KIAA1217: variants seen among roughly 807,000 people sequenced by gnomAD.
KIAA1217 encodes the protein sickle tail protein homolog.
A neutral mutation model predicts 163.9 loss-of-function variants in KIAA1217; 88 were observed. The observed-to-expected ratio is 0.54, with a 90% CI of 0.45 to 0.64. The LOEUF (loss-of-function observed/expected upper bound fraction) is 0.64. Ranked by LOEUF, KIAA1217 falls within the 30% of genes least tolerant of loss-of-function variation. KIAA1217 has a pLI of 0.00. For synonymous variants in KIAA1217, 903 were observed against 923.1 expected (o/e 0.98, Z 0.39); for missense variants, 2,372 against 2,475.0 (o/e 0.96, Z 0.88).
chr10:24,172,422 C>A (rs1212524692), intron 2 of KIAA1217, among the ~76,000 whole-genome samples: 2 of 152,134 alleles, frequency 1.3e-5, no homozygotes, highest in African/African-American at 2.4e-5. Flanking sequence ...TTTGTGTAGT[C>A]CCTAAGAGCA....
intron 2 of KIAA1217, among the ~76,000 whole-genome samples, chr10:24,177,361 G>GTATC (rs1554894821): frequency 7.7e-6 from 1 of 129,230 alleles, no homozygotes; most frequent in Non-Finnish European, 1.6e-5. Context: ...TATCATATGT[G>GTATC]TATATATATA....
intron 2 of KIAA1217, among the ~76,000 whole-genome samples, chr10:24,187,709 G>T (rs1215830412): frequency 6.6e-6 from 1 of 151,868 alleles, no homozygotes; most frequent in Non-Finnish European, 1.5e-5. Flanking sequence ...TGACCAACAT[G>T]GAGACACCCC....
intron 5 of KIAA1217, among the ~76,000 whole-genome samples, chr10:24,451,849 T>TTG (rs1170648005): frequency 6.6e-6 from 1 of 152,206 alleles, no homozygotes; most frequent in East Asian, 1.9e-4. Context: ...GTTGCATCCC[T>TTG]TGTACCTGCA....
chr10:24,394,384 G>T (rs1399408600), intron 3 of KIAA1217, among the ~76,000 whole-genome samples: 2 of 152,076 alleles, frequency 1.3e-5, no homozygotes, highest in East Asian at 1.9e-4. Flanking sequence ...AGCTAAACAT[G>T]ATAAAAATAA....
At chr10:24,315,693 C>T (rs943129980) in intron 2 of KIAA1217, among the ~76,000 whole-genome samples, 8 of 151,742 alleles carry the variant, frequency 5.3e-5, no homozygotes, top group Admixed American at 1.3e-4. Flanking sequence ...TCAAGGCTGC[C>T]GCGAGCTGTG....
Position 24,447,001 on chromosome 10 carries a change from G to T in KIAA1217, c.846+8522G>T, listed in dbSNP as rs116093041. 1.9e-3 allele frequency among the ~76,000 whole-genome samples: 292 copies of T among 152,082 alleles called. 2 individuals carry two copies. Among genetic ancestry groups the T allele is most frequent in the African/African-American group, 6.5e-3 (270 of 41,488 alleles). ...ATGAGTCATCGCCACATGTCCATGG[G>T]CCTCTCATTTCTGAAGACCTAACCC... On this transcript the variant is annotated intron_variant, in intron 5 of 20. Coordinates refer to ENST00000376454, the MANE Select transcript of KIAA1217 (RefSeq NM_019590.5).
intron 1 of KIAA1217, among the ~76,000 whole-genome samples, chr10:23,996,347 C>T (rs897217608): frequency 3.3e-5 from 5 of 152,088 alleles, no homozygotes; most frequent in East Asian, 3.9e-4. Flanking sequence ...GGACCATAAC[C>T]GCAAAATGGA....
intron 1 of KIAA1217, among the ~76,000 whole-genome samples, chr10:23,977,951 C>T (rs1163400004): frequency 6.6e-6 from 1 of 152,182 alleles, no homozygotes; most frequent in Non-Finnish European, 1.5e-5. Flanking sequence ...AGAACAACAT[C>T]CCCTGTTTCT....
intron 2 of KIAA1217, among the ~76,000 whole-genome samples, chr10:24,266,268 A>G (rs986059100): frequency 1.3e-5 from 2 of 152,038 alleles, no homozygotes; most frequent in Admixed American, 6.6e-5. Context: ...TAGTAGAGAC[A>G]GGGTTTCACC....
intron 1 of KIAA1217, among the ~76,000 whole-genome samples, chr10:23,866,133 G>A (rs971140889): frequency 1.3e-5 from 2 of 152,080 alleles, no homozygotes; most frequent in African/African-American, 4.8e-5. Flanking sequence ...AGTAACCTCT[G>A]CTGTAGCAAA....
intron 1 of KIAA1217, among the ~76,000 whole-genome samples, chr10:23,722,699 C>A (rs1837934309): frequency 6.6e-6 from 1 of 152,186 alleles, no homozygotes; most frequent in Non-Finnish European, 1.5e-5. Flanking sequence ...GGTGAGGAAA[C>A]TCTTACCAAT....
intron 10 of KIAA1217, among the ~76,000 whole-genome samples, chr10:24,518,081 G>T (rs2070485459): frequency 6.6e-6 from 1 of 152,196 alleles, no homozygotes; most frequent in African/African-American, 2.4e-5. Context: ...ACAGTCAAGT[G>T]AAATACATTC....
chr10:24,269,557 A>C (rs895558077), intron 2 of KIAA1217, among the ~76,000 whole-genome samples: 1 of 152,152 alleles, frequency 6.6e-6, no homozygotes, highest in African/African-American at 2.4e-5. Flanking sequence ...ACATTCATCA[A>C]AAAACAGAGC....
intron 2 of KIAA1217, among the ~76,000 whole-genome samples, chr10:24,175,207 G>A (rs995075941): frequency 2.0e-5 from 3 of 152,032 alleles, no homozygotes; most frequent in Non-Finnish European, 2.9e-5. Context: ...TCCTTTTCCC[G>A]AGTCTTCAAA....
intron 3 of KIAA1217, among the ~76,000 whole-genome samples, chr10:24,405,832 A>G (rs186014452): frequency 6.6e-6 from 1 of 152,298 alleles, no homozygotes; most frequent in African/African-American, 2.4e-5. Context: ...TCTATCTCCT[A>G]AGCATATGTG....
At chr10:24,468,386 A>G (rs999581006) in intron 5 of KIAA1217, among the ~76,000 whole-genome samples, 1 of 152,232 alleles carries the variant, frequency 6.6e-6, no homozygotes, top group Non-Finnish European at 1.5e-5. Context: ...CAAGGATGAA[A>G]TACATGATCC....
intron 1 of KIAA1217, among the ~76,000 whole-genome samples, chr10:23,706,887 A>T (rs1836920690): frequency 6.6e-6 from 1 of 151,966 alleles, no homozygotes; most frequent in South Asian, 2.1e-4. Context: ...GGGGAGGAAA[A>T]CCCTAAATAG....
intron 3 of KIAA1217, among the ~76,000 whole-genome samples, chr10:24,414,985 G>A (rs1477099794): frequency 6.6e-6 from 1 of 152,120 alleles, no homozygotes; most frequent in Non-Finnish European, 1.5e-5. Flanking sequence ...GGAAAGCTAG[G>A]TTTGTGAAGC....
chr10:23,818,346 A>T (rs1442622035), intron 1 of KIAA1217, among the ~76,000 whole-genome samples: 1 of 97,628 alleles, frequency 1.0e-5, no homozygotes, highest in Non-Finnish European at 2.2e-5. Flanking sequence ...ATATATATAT[A>T]AAAAAATATA....
Sources: allele counts gnomAD v4.1 joint callset (sites outside exome capture counted in the v4.1 genomes callset), GRCh38; gene constraint gnomAD v4.1.1; transcripts MANE v1.5; gene names NCBI Gene and HGNC (gene_info 2026-07-23, HGNC 2026-07-21).